The following MGA variants were observed in gnomAD, a reference collection of about 807,000 sequenced individuals.
MGA encodes the protein MAX gene-associated protein.
MGA carries 40 observed loss-of-function variants against 261.1 expected under a neutral mutation model. The observed-to-expected ratio is 0.15, with a 90% CI of 0.12 to 0.20. MGA has a LOEUF of 0.20. Ranked by LOEUF, MGA falls within the 10% of genes least tolerant of loss-of-function variation. The pLI is 1.00. For synonymous variants in MGA, 1,302 were observed against 1,290.6 expected, an observed-to-expected ratio of 1.01 and a Z score of -0.19; for missense variants, 3,397 against 3,630.5, an observed-to-expected ratio of 0.94 and a Z score of 1.65.
At position 41,682,908 on chromosome 15, in the gene MGA, A is replaced by T. The variant is rs541687867; in HGVS notation, c.1064+12950A>T. Among the ~76,000 whole-genome samples, 24 of 152,268 alleles carry T rather than the reference A, an allele frequency of 1.6e-4. No individual in the cohort carries two copies. The South Asian group carries it at 4.8e-3, about 30-fold the overall frequency. On this transcript the variant is annotated intron_variant, in intron 2 of 23. Coordinates refer to ENST00000219905, the MANE Select transcript of MGA (RefSeq NM_001164273.2). The stretch of plus-strand genomic sequence containing the variant: ...TATCTGTAGAACATAGAATTTTAAG[A>T]TGTTTAAGTAAAATTACTTACGATG...
rs759572856 is a variant in MGA, at chr15:41,762,335, C to G, written c.7717C>G (p.Leu2573Val). The change falls in exon 22 of 24, where the codon CTT becomes GTT. Residue 2573 changes from leucine (L) to valine (V), a missense_variant. Coordinates refer to ENST00000219905, the MANE Select transcript of MGA (RefSeq NM_001164273.2). ...TAACAGGAGGGGGAAACCTTTGATT[C>G]TTTCCAGAAAAAAAGACCAGGCCAC... The G allele has an allele frequency of 6.2e-7, 1 of 1,613,240 alleles. No individual in the cohort carries two copies. The highest frequency in any genetic ancestry group is 8.5e-7 in the Non-Finnish European group (1 of 1,179,762).
In MGA at chr15:41,735,182, G is replaced by A. The variant is rs2061705380; in HGVS notation, c.3916+588G>A. ...GCGGTAAGTGGAGGAGGCTACTAGG[G>A]TGGAGGGAACCTGCCTGAGAGCGTG... On this transcript the variant is annotated intron_variant, in intron 12 of 23. Transcript: ENST00000219905. Among the ~76,000 whole-genome samples, 3 of 152,322 alleles carry A rather than the reference G, an allele frequency of 2.0e-5. No homozygotes were observed. In the South Asian group the frequency reaches 6.2e-4, roughly 32 times the overall value.
chr15:41,732,522 A>G (rs997130347), intron 11 of MGA, among the ~76,000 whole-genome samples: 1 of 152,196 alleles, frequency 6.6e-6, no homozygotes, highest in Non-Finnish European at 1.5e-5. Context: ...AATGCTATCT[A>G]GATGGTTATA....
chr15:41,647,950 G>T (rs1483158187), intron 1 of MGA, among the ~76,000 whole-genome samples: 1 of 152,064 alleles, frequency 6.6e-6, no homozygotes, highest in Non-Finnish European at 1.5e-5. Flanking sequence ...ATTCCCTGTG[G>T]TATTCTAATT....
chr15:41,748,897 A>G lies in MGA; in HGVS notation c.5473A>G (p.Asn1825Asp), dbSNP rs941734533. 3.1e-6 allele frequency: 5 copies of G among 1,613,954 alleles called. No individual in the cohort carries two copies. The highest frequency in any genetic ancestry group is 1.1e-5 in the South Asian group (1 of 91,074). Residue 1825 changes from asparagine (N) to aspartate (D), a missense_variant, in exon 16 of 24, where the codon AAC (asparagine) becomes GAC (aspartate). Around this residue, in one of 9 missense-constraint regions of MGA, gnomAD observed 1,410 missense variants for 1,386.4 expected, o/e 1.02. Transcript: ENST00000219905. ...GCTTCGAGGCTCTAATACCCAGCCC[A>G]ACTTACAGCCTGTCATGTTTCGGAA...
intron 1 of MGA, among the ~76,000 whole-genome samples, chr15:41,637,823 C>T (rs1298914750): frequency 2.6e-5 from 4 of 151,732 alleles, no homozygotes; most frequent in African/African-American, 9.7e-5. Flanking sequence ...CTGCTCACTG[C>T]GACCTCCGCC....
At chr15:41,754,634 C>G in intron 18 of MGA, 67 bp downstream of exon 18, 1 of 1,461,456 alleles carries the variant, frequency 6.8e-7, no homozygotes, top group South Asian at 1.5e-5. Context: ...ATGAGATGTT[C>G]TGTTCAGGAG....
At chr15:41,675,094 A>G (rs2058305482) in intron 2 of MGA, among the ~76,000 whole-genome samples, 2 of 152,258 alleles carry the variant, frequency 1.3e-5, no homozygotes, top group Non-Finnish European at 2.9e-5. Context: ...GAATAAAACT[A>G]GTACGAACTT....
intron 2 of MGA, among the ~76,000 whole-genome samples, chr15:41,677,425 C>T (rs1278287385): frequency 6.6e-6 from 1 of 152,214 alleles, no homozygotes; most frequent in East Asian, 1.9e-4. Flanking sequence ...CAGGAGTGAG[C>T]CACTGCACCT....
rs1243498665 is a variant in MGA, at chr15:41,713,312, T to C, written c.3246T>C (p.Cys1082=). The change falls in exon 9 of 24, where the codon TGT becomes TGC. Residue 1082 remains cysteine, a synonymous_variant. Transcript: ENST00000219905. ...CAGACTGCATGTTTGGTTGTACTTG[T>C]TTGAAAAGAAAAGTTGTACTTGTTA... 1.2e-6 allele frequency: 2 copies of C among 1,613,812 alleles called. No individual in the cohort carries two copies. Among genetic ancestry groups the C allele is most frequent in the African/African-American group, 2.7e-5 (2 of 74,898 alleles).
chr15:41,764,774 G>A, intron 22 of MGA, 112 bp from the exon 23 acceptor site: 2 of 1,062,968 alleles, frequency 1.9e-6, no homozygotes, highest in African/African-American at 1.6e-5. Flanking sequence ...GAACTCCTGG[G>A]CTCAAGTGAT....
At chr15:41,680,160 G>A (rs2151083605) in intron 2 of MGA, among the ~76,000 whole-genome samples, 1 of 152,220 alleles carries the variant, frequency 6.6e-6, no homozygotes, top group Admixed American at 6.5e-5. Context: ...CCACCTCTGT[G>A]GTAAGGCGTT....
intron 17 of MGA, chr15:41,751,957 C>G (rs2151934084): frequency 6.6e-6 from 1 of 152,268 alleles, no homozygotes; most frequent in African/African-American, 2.4e-5. Flanking sequence ...GTTATCTGGT[C>G]CTTTTCTGTT....
chr15:41,764,744 A>G (rs1263977232), intron 22 of MGA, 142 bp from the exon 23 acceptor site: 2 of 785,396 alleles, frequency 2.5e-6, no homozygotes, highest in Non-Finnish European at 2.0e-6. Flanking sequence ...GGGTCTCACC[A>G]TGTTTCCCAG....
In MGA at chr15:41,632,982, C is replaced by T. The variant is rs189569438; in HGVS notation, c.-68+11684C>T. Among the ~76,000 whole-genome samples the T allele has an allele frequency of 3.0e-3, 454 of 149,704 alleles. 13 individuals carry two copies. Among genetic ancestry groups the T allele is most frequent in the Non-Finnish European group, 7.8e-4 (53 of 67,618 alleles). Reference sequence around the variant, plus strand: ...TTTTTTTTTTTTTGAGACGGAGTCTCGCTCTGTCGCCCAGGCTGGAGTGCA... The same window carrying T: ...TTTTTTTTTTTTTGAGACGGAGTCTTGCTCTGTCGCCCAGGCTGGAGTGCA... On this transcript the variant is annotated intron_variant, in intron 1 of 8. Coordinates refer to the MGA transcript ENST00000566718.
At chr15:41,709,173 C>T (rs1027647021) in intron 7 of MGA, among the ~76,000 whole-genome samples, 2 of 151,950 alleles carry the variant, frequency 1.3e-5, no homozygotes, top group Admixed American at 6.6e-5. Flanking sequence ...ATGGTGAAAA[C>T]CCCTCTCTAC....
At chr15:41,723,147 C>T (rs896989320) in intron 9 of MGA, among the ~76,000 whole-genome samples, 1 of 152,280 alleles carries the variant, frequency 6.6e-6, no homozygotes, top group Middle Eastern at 3.4e-3. Context: ...CCCCTTAATT[C>T]CACCTTTTCC....
chr15:41,740,330 G>A lies in MGA; in HGVS notation c.4585+127G>A, dbSNP rs2062021919. 2.8e-6 allele frequency: 3 copies of A among 1,062,410 alleles called. No homozygotes were observed. In the African/African-American group the frequency reaches 4.8e-5, roughly 17 times the overall value. The allele number at this position is 1,062,410 out of a possible 1,614,324, so 65.8% of individuals were successfully genotyped here. On this transcript the variant is annotated intron_variant, in intron 14 of 23. Transcript: ENST00000219905. Reference sequence around the variant, plus strand: ...GGCATTATTCTTATTCTTGTTGTCTGTCTTGCCTGGACTTTTTTGATTGTT... The same window carrying A: ...GGCATTATTCTTATTCTTGTTGTCTATCTTGCCTGGACTTTTTTGATTGTT...
At chr15:41,654,130 A>G (rs556333891) in intron 1 of MGA, among the ~76,000 whole-genome samples, 20 of 152,234 alleles carry the variant, frequency 1.3e-4, no homozygotes, top group Middle Eastern at 3.4e-3. Flanking sequence ...TTCTTGGCAA[A>G]GTGACTTATA....
Sources: allele counts gnomAD v4.1 joint callset (sites outside exome capture counted in the v4.1 genomes callset), GRCh38; gene constraint gnomAD v4.1.1; regional missense constraint gnomAD v4.1.1; transcripts MANE v1.5; gene names NCBI Gene and HGNC (gene_info 2026-07-23, HGNC 2026-07-21).